Variants in ABCB5 observed in about 807,000 individuals in gnomAD.
ABCB5 encodes the protein ATP binding cassette subfamily B member 5.
Under a neutral mutation model 144.2 loss-of-function variants are expected in ABCB5, and 155 were observed. The ratio of observed to expected loss-of-function variants is 1.08; its 90% CI spans 0.94 to 1.23. ABCB5 has a LOEUF of 1.23. Ranked by LOEUF, ABCB5 falls within the 50% of genes most tolerant of loss-of-function variation. The pLI is 0.00. For missense variants in ABCB5, 1,830 were observed against 1,520.8 expected, an observed-to-expected ratio of 1.20 and a Z score of -3.38; for synonymous variants, 610 against 528.6, an observed-to-expected ratio of 1.15 and a Z score of -2.11.
intron 13 of ABCB5, among the ~76,000 whole-genome samples, chr7:20,658,217 G>A (rs554493207): frequency 6.6e-6 from 1 of 151,810 alleles, no homozygotes; most frequent in East Asian, 1.9e-4. Flanking sequence ...AAAGAGATTT[G>A]GACATTAGTT....
chr7:20,709,855 C>T (rs972299284), intron 20 of ABCB5, among the ~76,000 whole-genome samples: 5 of 148,400 alleles, frequency 3.4e-5, no homozygotes, highest in South Asian at 2.2e-4. Context: ...ACAAGGTGGG[C>T]GGATCACCTG....
chr7:20,693,853 A>G (rs924127147), intron 16 of ABCB5, among the ~76,000 whole-genome samples: 2 of 151,516 alleles, frequency 1.3e-5, no homozygotes, highest in Non-Finnish European at 2.9e-5. Context: ...AAAGACTAAT[A>G]AAATAATCTT....
chr7:20,704,652 C>T (rs1786756867), intron 19 of ABCB5, 72 bp from the exon 20 acceptor site: 1 of 1,202,788 alleles, frequency 8.3e-7, no homozygotes, highest in Non-Finnish European at 1.2e-6. Flanking sequence ...TTCTGATTTA[C>T]AGCAGAAAAA....
intron 26 of ABCB5, among the ~76,000 whole-genome samples, chr7:20,747,038 C>T (rs953526663): frequency 6.6e-6 from 1 of 152,164 alleles, no homozygotes; most frequent in Non-Finnish European, 1.5e-5. Flanking sequence ...CCTACATGTA[C>T]AAACAGGATT....
intron 9 of ABCB5, among the ~76,000 whole-genome samples, chr7:20,646,936 G>A (rs2128024060): frequency 6.6e-6 from 1 of 152,276 alleles, no homozygotes; most frequent in South Asian, 2.1e-4. Context: ...ATTTATGTGT[G>A]GCTGGGTATC....
chr7:20,653,957 C>G (rs1229123588), intron 13 of ABCB5, among the ~76,000 whole-genome samples: 3 of 152,194 alleles, frequency 2.0e-5, no homozygotes, highest in African/African-American at 7.2e-5. Context: ...AAAGCCACAC[C>G]TTAGGAGTCA....
In ABCB5 at chr7:20,727,115, G is replaced by C; in HGVS notation, c.2701G>C (p.Glu901Gln). The change falls in exon 22 of 28, where the codon GAA becomes CAA. Residue 901 changes from glutamate (E) to glutamine (Q), a missense_variant. Glu to Gln is a conservative substitution (Grantham distance 29). Coordinates refer to ENST00000404938, the MANE Select transcript of ABCB5 (RefSeq NM_001163941.2). ...GGAAAAAGCCTTCGAGCAAATGTAT[G>C]AAGAGATGCTTCAGACTCAACACAG... ...TREKAFEQMY[E>Q]EMLQTQHRNT... The C allele has an allele frequency of 6.2e-7, 1 of 1,613,538 alleles. No homozygotes were observed. Among genetic ancestry groups the C allele is most frequent in the Non-Finnish European group, 8.5e-7 (1 of 1,179,724 alleles).
intron 20 of ABCB5, among the ~76,000 whole-genome samples, chr7:20,716,840 C>G (rs75278043): frequency 6.6e-6 from 1 of 152,152 alleles, no homozygotes; most frequent in Non-Finnish European, 1.5e-5. Context: ...CTGAACCCTA[C>G]AGCCTGTTAG....
chr7:20,698,256 G>A (rs562961029), intron 16 of ABCB5, 151 bp from the exon 17 acceptor site: 64 of 568,814 alleles, frequency 1.1e-4, no homozygotes, highest in Middle Eastern at 5.0e-4. Context: ...TTAATAATAC[G>A]GGCAGTGAAT....
chr7:20,712,613 T>C (rs1781523135), intron 20 of ABCB5, among the ~76,000 whole-genome samples: 1 of 149,548 alleles, frequency 6.7e-6, no homozygotes, highest in Non-Finnish European at 1.5e-5. Flanking sequence ...AAACCAATGA[T>C]CTTTTCTTCT....
At chr7:20,636,282 C>T (rs1212356972) in intron 5 of ABCB5, among the ~76,000 whole-genome samples, 5 of 151,904 alleles carry the variant, frequency 3.3e-5, no homozygotes, top group Non-Finnish European at 4.4e-5. Context: ...TGTACAGTCA[C>T]GAAGGATACT....
intron 7 of ABCB5, 123 bp from the exon 8 acceptor site, chr7:20,645,633 C>T (rs1784385217): frequency 6.5e-6 from 8 of 1,222,566 alleles, no homozygotes; most frequent in Admixed American, 5.3e-5. Context: ...TTTAAAAATA[C>T]AGAGATAAAG....
chr7:20,658,862 T>G (rs552388863), intron 14 of ABCB5, among the ~76,000 whole-genome samples, 186 bp downstream of exon 14: 8 of 152,234 alleles, frequency 5.3e-5, no homozygotes, highest in African/African-American at 1.9e-4. Context: ...CAGAAGGAGA[T>G]GCTGTGGTTG....
At chr7:20,682,371 A>G (rs1219333039) in intron 15 of ABCB5, among the ~76,000 whole-genome samples, 1 of 152,178 alleles carries the variant, frequency 6.6e-6, no homozygotes, top group Non-Finnish European at 1.5e-5. Flanking sequence ...TGTAAAAAGA[A>G]AAAGCAAGAT....
chr7:20,657,393 A>C (rs748115421), intron 13 of ABCB5, among the ~76,000 whole-genome samples: 13 of 152,368 alleles, frequency 8.5e-5, no homozygotes, highest in South Asian at 8.3e-4. Context: ...GTTTTTGCTA[A>C]ATCTGGCAAC....
chr7:20,648,139 A>G (rs1230981648), intron 11 of ABCB5, 61 bp downstream of exon 11: 1 of 1,026,292 alleles, frequency 9.7e-7, no homozygotes, highest in South Asian at 1.4e-5. Context: ...ACTGGCCAAG[A>G]TCTTCTCTGA....
intron 14 of ABCB5, chr7:20,667,612 C>T (rs891113513): frequency 1.1e-6 from 1 of 902,380 alleles, no homozygotes; most frequent in East Asian, 1.2e-4. Flanking sequence ...GGTCACATCA[C>T]GTGGCTTCAT....
chr7:20,649,692 C>T (rs1784519753), intron 11 of ABCB5, among the ~76,000 whole-genome samples: 1 of 152,158 alleles, frequency 6.6e-6, no homozygotes, highest in Admixed American at 6.5e-5. Flanking sequence ...ATCTCATTTA[C>T]TTGTTACAAA....
chr7:20,694,749 T>A (rs1786350544), intron 16 of ABCB5, among the ~76,000 whole-genome samples: 2 of 152,032 alleles, frequency 1.3e-5, no homozygotes, highest in Non-Finnish European at 2.9e-5. Context: ...TTAGCAAGGT[T>A]GTAGAATATG....
Sources: gnomAD v4.1 joint callset for allele counts (sites outside exome capture counted in the v4.1 genomes callset) on GRCh38, gnomAD v4.1.1 for gene constraint, MANE v1.5 for transcripts, NCBI Gene and HGNC (gene_info 2026-07-23, HGNC 2026-07-21) for gene names.